Variants in WDR33 observed in about 807,000 individuals in gnomAD.
WDR33 encodes WD repeat domain 33.
Under a neutral mutation model 164.9 loss-of-function variants are expected in WDR33, and 47 were observed. The observed-to-expected ratio is 0.29, with a 90% CI of 0.23 to 0.36. The LOEUF is 0.36. Ranked by LOEUF, WDR33 falls within the 10% of genes least tolerant of loss-of-function variation. WDR33 has a pLI of 1.00. For missense variants in WDR33, 1,137 were observed against 1,754.1 expected (o/e 0.65, Z 6.28); for synonymous variants, 505 against 589.0 (o/e 0.86, Z 2.06).
chr2:127,725,551 T>C (rs920652934), intron 8 of WDR33, among the ~76,000 whole-genome samples: 81 of 152,112 alleles, frequency 5.3e-4, no homozygotes, highest in African/African-American at 1.9e-3. Flanking sequence ...CTGGCCAACA[T>C]GGTGAAACCC....
At chr2:127,750,640 A>T (rs1267193946) in intron 7 of WDR33, among the ~76,000 whole-genome samples, 2 of 117,038 alleles carry the variant, frequency 1.7e-5, no homozygotes, top group African/African-American at 6.6e-5. Flanking sequence ...ACAAGAGTGA[A>T]ACTCCATCTT....
chr2:127,728,717 T>C (rs748185041), intron 7 of WDR33, among the ~76,000 whole-genome samples: 7 of 152,184 alleles, frequency 4.6e-5, no homozygotes, highest in African/African-American at 9.7e-5. Context: ...CATTGTCACC[T>C]AAAAATAAAT....
Position 127,706,193 on chromosome 2 carries a change from C to G in WDR33, c.*130G>C. On this transcript the variant is annotated 3_prime_UTR_variant, in exon 22 of 22. Coordinates refer to ENST00000322313, the MANE Select transcript of WDR33 (RefSeq NM_018383.5). The surrounding 1 kb of genome is among the most constrained non-coding windows in gnomAD (Gnocchi z 5.1). ...ATCTTGAAGACCTCATTGAGGGTTC[C>G]TGGGATTCAGGTGCCCAGAAAAGAG... 1 of 836,890 alleles carries G rather than the reference C, an allele frequency of 1.2e-6. No individual in the cohort carries two copies. Among genetic ancestry groups the G allele is most frequent in the African/African-American group, 1.8e-5 (1 of 56,776 alleles). The allele number at this position is 836,890 out of a possible 1,614,324, so 51.8% of individuals were successfully genotyped here. A position where few individuals can be genotyped will look rare whatever the true frequency, so the allele number is the denominator to read the frequency against.
chr2:127,806,805 C>T (rs968487499), intron 1 of WDR33, among the ~76,000 whole-genome samples: 2 of 151,800 alleles, frequency 1.3e-5, no homozygotes, highest in African/African-American at 2.4e-5. Flanking sequence ...TGTAGAAAAG[C>T]GTAGGAAAAA....
Position 127,716,869 on chromosome 2 carries a change from G to C in WDR33, c.2869+286C>G, listed in dbSNP as rs1686314430. Among the ~76,000 whole-genome samples the C allele has an allele frequency of 6.6e-6, 1 of 152,182 alleles. No homozygotes were observed. The highest frequency in any genetic ancestry group is 2.1e-4 in the South Asian group (1 of 4,830). ...ACACACTTGCACTCAGTGAGCACAG[G>C]AACCACCTGCATTGCCAACAGATGG... On this transcript the variant is annotated intron_variant, in intron 17 of 21. Transcript: ENST00000322313. This position sits in a 1 kb window ranked among gnomAD's most constrained non-coding sequence, Gnocchi z 4.5.
Position 127,758,274 on chromosome 2 carries a change from GGAAGGTACTGTTGCT to G in WDR33, c.724+4773_724+4787del, listed in dbSNP as rs544157529. 5.9e-5 allele frequency among the ~76,000 whole-genome samples: 9 copies of G among 152,238 alleles called. No individual in the cohort carries two copies. The East Asian group carries it at 1.7e-3, about 29-fold the overall frequency. On this transcript the variant is annotated intron_variant, in intron 7 of 21. Coordinates refer to ENST00000322313, the MANE Select transcript of WDR33 (RefSeq NM_018383.5). ...TCACAATTCTGTCAATTACAGCTTA[GGAAGGTACTGTTGCT>G]GACATTCCTTTTAAAACATAAAAGA...
chr2:127,733,552 C>T (rs1686763007), intron 7 of WDR33, among the ~76,000 whole-genome samples: 1 of 152,130 alleles, frequency 6.6e-6, no homozygotes. Context: ...TCCCATATGG[C>T]ACCTATTAGC....
Position 127,758,817 on chromosome 2 carries a change from C to A in WDR33, c.724+4245G>T, listed in dbSNP as rs73958011. ...GCTCTCCCCCCTTATTATCAAACGT[C>A]TTTAACGATTGTGAAAATATCTCAC... is the stretch of plus-strand genomic sequence containing the variant. On this transcript the variant is annotated intron_variant, in intron 7 of 21. Transcript: ENST00000322313. Among the ~76,000 whole-genome samples the A allele has an allele frequency of 1.7e-3, 255 of 152,294 alleles. 3 individuals carry two copies. Among genetic ancestry groups the A allele is most frequent in the African/African-American group, 5.8e-3 (240 of 41,566 alleles).
In WDR33 at chr2:127,763,975, T is replaced by C. The variant is rs773435075; in HGVS notation, c.627-816A>G. The C allele has an allele frequency of 1.0e-6, 1 of 985,862 alleles. No individual in the cohort carries two copies. The highest frequency in any genetic ancestry group is 1.2e-6 in the Non-Finnish European group (1 of 830,280). The allele number at this position is 985,862 out of a possible 1,614,324, so 61.1% of individuals were successfully genotyped here. On this transcript the variant is annotated intron_variant, in intron 6 of 21. Transcript: ENST00000322313. The surrounding 1 kb of genome is among the most constrained non-coding windows in gnomAD (Gnocchi z 4.5). ...AATTTCTGTTAAGATTCTGAAAGTA[T>C]GAACAAATGACTACAGTGGATGATG...
chr2:127,737,957 C>A, intron 7 of WDR33: 2 of 1,603,562 alleles, frequency 1.2e-6, no homozygotes, highest in Non-Finnish European at 1.7e-6. Context: ...GGTATATTCA[C>A]AGAAGTTGGT....
In WDR33 at chr2:127,719,751, G is replaced by A; in HGVS notation, c.2274C>T (p.Ile758=). 6.2e-7 allele frequency: 1 copy of A among 1,613,866 alleles called. No individual in the cohort carries two copies. Among genetic ancestry groups the A allele is most frequent in the Non-Finnish European group, 8.5e-7 (1 of 1,179,978 alleles). ...GMQGPPHPHG[I]QGGPGSQGIQ... ...TCCCTTGAGACCCTGGTCCGCCTTGGATCCCATGAGGATGAGGAGGCCCTT... is the reference window on the plus strand; with the variant it reads ...TCCCTTGAGACCCTGGTCCGCCTTGAATCCCATGAGGATGAGGAGGCCCTT... The change falls in exon 16 of 22, where the codon ATC becomes ATT. Residue 758 remains isoleucine (I), a synonymous_variant. Transcript: ENST00000322313. The surrounding 1 kb of genome is among the most constrained non-coding windows in gnomAD (Gnocchi z 6.5).
At position 127,735,593 on chromosome 2, in the gene WDR33, A is replaced by G; in HGVS notation, c.725-8816T>C. On this transcript the variant is annotated intron_variant, in intron 7 of 21. Coordinates refer to ENST00000322313, the MANE Select transcript of WDR33 (RefSeq NM_018383.5). The surrounding 1 kb of genome is among the most constrained non-coding windows in gnomAD (Gnocchi z 4.3). ...CTTGTACAATATTAACAGAACTGTT[A>G]CTCAAGAAAATGTGTTAAACATTAA... The G allele has an allele frequency of 4.1e-6, 4 of 985,870 alleles. No homozygotes were observed. Among genetic ancestry groups the G allele is most frequent in the Non-Finnish European group, 4.8e-6 (4 of 829,922 alleles). The allele number at this position is 985,870 out of a possible 1,614,324, so 61.1% of individuals were successfully genotyped here.
rs1686574059 is a variant in WDR33, at chr2:127,726,410, C to T, written c.851+241G>A. The stretch of plus-strand genomic sequence containing the variant: ...CCACCTCCCTCCTCATCCTCCTCCC[C>T]ACCCGTATATAACAACCAAATTAAA... On this transcript the variant is annotated intron_variant, in intron 8 of 21. Transcript: ENST00000322313. The surrounding 1 kb of genome is among the most constrained non-coding windows in gnomAD (Gnocchi z 4.8). 6.6e-6 allele frequency among the ~76,000 whole-genome samples: 1 copy of T among 152,152 alleles called. No individual in the cohort carries two copies. The highest frequency in any genetic ancestry group is 6.5e-5 in the Admixed American group (1 of 15,280).
chr2:127,753,338 T>C (rs1324568063), intron 7 of WDR33, among the ~76,000 whole-genome samples: 1 of 152,270 alleles, frequency 6.6e-6, no homozygotes, highest in Non-Finnish European at 1.5e-5. Context: ...GTCATATTTA[T>C]AGATTGCTTA....
chr2:127,763,443 T>C lies in WDR33; in HGVS notation c.627-284A>G. 4 of 1,147,360 alleles carry C rather than the reference T, an allele frequency of 3.5e-6. No homozygotes were observed. The highest frequency in any genetic ancestry group is 4.3e-6 in the Non-Finnish European group (4 of 929,818). 71.1% of individuals were successfully genotyped at this position (1,147,360 alleles called of 1,614,324 possible). A position where few individuals can be genotyped will look rare whatever the true frequency, so the allele number is the denominator to read the frequency against. Reference sequence around the variant, plus strand: ...ATCCATGTTCCTTCTCTATTTTCTATGATACGAGGAAATCACATGAAGCTG... The same window carrying C: ...ATCCATGTTCCTTCTCTATTTTCTACGATACGAGGAAATCACATGAAGCTG... On this transcript the variant is annotated intron_variant, in intron 6 of 21. Coordinates refer to ENST00000322313, the MANE Select transcript of WDR33 (RefSeq NM_018383.5). The surrounding 1 kb of genome is among the most constrained non-coding windows in gnomAD (Gnocchi z 4.5).
At chr2:127,779,975 A>ATTTTTTT (rs1201664053) in intron 1 of WDR33, among the ~76,000 whole-genome samples, 1,578 of 142,638 alleles carry the variant, frequency 0.011, 26 homozygotes, top group African/African-American at 0.031. Context: ...GGTTTTTTTG[A>ATTTTTTT]TTTTTTTTTT....
intron 1 of WDR33, among the ~76,000 whole-genome samples, chr2:127,803,626 G>C (rs1055791508): frequency 6.6e-6 from 1 of 152,002 alleles, no homozygotes; most frequent in African/African-American, 2.4e-5. Context: ...ATGTTTTCTA[G>C]CTCTGTCCAC....
At chr2:127,734,226 C>A (rs1475542856) in intron 7 of WDR33, among the ~76,000 whole-genome samples, 1 of 152,168 alleles carries the variant, frequency 6.6e-6, no homozygotes, top group Admixed American at 6.5e-5. Flanking sequence ...AATGTGACAA[C>A]CATAAACTAA....
intron 4 of WDR33, among the ~76,000 whole-genome samples, chr2:127,767,637 C>T (rs1687862605): frequency 6.6e-6 from 1 of 152,144 alleles, no homozygotes; most frequent in African/African-American, 2.4e-5. Context: ...ATGGCGTGAA[C>T]CCGGGGGGCG....
Sources: gnomAD v4.1 joint callset for allele counts (sites outside exome capture counted in the v4.1 genomes callset) on GRCh38, gnomAD v4.1.1 for gene constraint, Gnocchi (gnomAD v3.1) non-coding constraint, MANE v1.5 for transcripts, NCBI Gene and HGNC (gene_info 2026-07-23, HGNC 2026-07-21) for gene names.